DMD: variants seen among roughly 807,000 people sequenced by gnomAD.
DMD encodes the protein mutant dystrophin.
DMD carries 63 observed loss-of-function variants against 330.1 expected under a neutral mutation model. The ratio of observed to expected loss-of-function variants is 0.19; its 90% CI spans 0.16 to 0.24. The LOEUF (loss-of-function observed/expected upper bound fraction) is 0.24. Ranked by LOEUF, DMD falls within the 10% of genes least tolerant of loss-of-function variation. The pLI is 1.00. For synonymous variants in DMD, 1,223 were observed against 959.8 expected (o/e 1.27, Z -5.07); for missense variants, 3,344 against 2,684.1 (o/e 1.25, Z -5.43).
At chrX:32,696,125 T>G (rs1394628890) in intron 9 of DMD, among the ~76,000 whole-genome samples, 1 of 112,195 alleles carries the variant, frequency 8.9e-6, no homozygotes, top group Non-Finnish European at 1.9e-5. Context: ...GTTATTTTTC[T>G]CTGTAGACCA....
chrX:32,824,392 A>C (rs1397671317), intron 4 of DMD, among the ~76,000 whole-genome samples: 1 of 112,206 alleles, frequency 8.9e-6, no homozygotes, highest in Non-Finnish European at 1.9e-5. Flanking sequence ...TAGTACAGCC[A>C]CACCATGGAA....
intron 1 of DMD, among the ~76,000 whole-genome samples, chrX:33,142,866 A>T (rs893872155): frequency 8.9e-6 from 1 of 112,034 alleles, no homozygotes; most frequent in Non-Finnish European, 1.9e-5. Context: ...TATGTTTGTC[A>T]ACTCACAAAT....
chrX:33,237,504 C>A (rs1047546157), intron 1 of DMD, among the ~76,000 whole-genome samples: 3 of 111,024 alleles, frequency 2.7e-5, no homozygotes, highest in African/African-American at 9.8e-5. Flanking sequence ...CTTGGCTTCC[C>A]AAAATGCTGG....
intron 11 of DMD, among the ~76,000 whole-genome samples, chrX:32,620,675 C>G (rs1462747869): frequency 8.9e-6 from 1 of 112,063 alleles, no homozygotes; most frequent in African/African-American, 3.2e-5. Context: ...TTTCCTTCAA[C>G]AAATCTTTAC....
chrX:31,564,638 A>C (rs1485592603), intron 55 of DMD, among the ~76,000 whole-genome samples: 1 of 112,313 alleles, frequency 8.9e-6, no homozygotes, highest in African/African-American at 3.2e-5. Flanking sequence ...CAATCAAATA[A>C]GACCCCCTAA....
chrX:32,351,235 C>T (rs1459462495), intron 37 of DMD, among the ~76,000 whole-genome samples: 28 of 110,667 alleles, frequency 2.5e-4, no homozygotes, highest in Non-Finnish European at 1.9e-5. Flanking sequence ...CCTAATCATC[C>T]ATTGGCTCAG....
intron 15 of DMD, among the ~76,000 whole-genome samples, chrX:32,569,406 T>A (rs892460847): frequency 2.7e-5 from 3 of 111,817 alleles, no homozygotes; most frequent in Non-Finnish European, 5.6e-5. Context: ...CCAGTTGTAC[T>A]TTGGGAGGTT....
chrX:31,491,206 C>A (rs1425047521), intron 57 of DMD, among the ~76,000 whole-genome samples: 2 of 112,019 alleles, frequency 1.8e-5, no homozygotes, highest in African/African-American at 6.5e-5. Flanking sequence ...ACTGTTGTTA[C>A]AATCAAGATC....
At chrX:32,906,291 G>A (rs2086721105) in intron 2 of DMD, among the ~76,000 whole-genome samples, 1 of 111,481 alleles carries the variant, frequency 9.0e-6, no homozygotes, top group African/African-American at 3.3e-5. Flanking sequence ...TGCTCCCACC[G>A]TCTGAGTCAC....
chrX:33,311,134 C>T (rs1305051585), intron 1 of DMD, among the ~76,000 whole-genome samples: 1 of 109,840 alleles, frequency 9.1e-6, no homozygotes, highest in Non-Finnish European at 1.9e-5. Context: ...TATATACATA[C>T]ATACTTCATA....
At chrX:32,598,654 C>T (rs370117914) in intron 12 of DMD, among the ~76,000 whole-genome samples, 41 of 112,058 alleles carry the variant, frequency 3.7e-4, no homozygotes, top group African/African-American at 1.2e-3. Context: ...ATGAATCCAA[C>T]TCTTATTGAG....
chrX:33,055,030 T>C lies in DMD; in HGVS notation c.32-34830A>G, dbSNP rs139895290. Among the ~76,000 whole-genome samples the C allele has an allele frequency of 5.3e-3, 587 of 111,718 alleles. 6 individuals carry two copies. Among genetic ancestry groups the C allele is most frequent in the African/African-American group, 0.018 (549 of 30,773 alleles). ...AAATCTGAGGGTCATGGTTAAGAGT[T>C]GTTATTGCTATGGATTTTGATGAGA... is the stretch of plus-strand genomic sequence containing the variant. On this transcript the variant is annotated intron_variant, in intron 1 of 78. Coordinates refer to ENST00000357033, the MANE Select transcript of DMD (RefSeq NM_004006.3).
intron 55 of DMD, among the ~76,000 whole-genome samples, chrX:31,584,736 C>G (rs1406510898): frequency 9.0e-6 from 1 of 111,199 alleles, no homozygotes; most frequent in African/African-American, 3.3e-5. Context: ...ACACTAGGTA[C>G]AGGTGGAGGG....
chrX:32,449,611 C>G (rs1296761647), intron 26 of DMD, among the ~76,000 whole-genome samples: 1 of 107,568 alleles, frequency 9.3e-6, no homozygotes, highest in Non-Finnish European at 1.9e-5. Context: ...CCACACGCAC[C>G]CCCTGGCCTC....
intron 55 of DMD, among the ~76,000 whole-genome samples, chrX:31,570,673 T>C (rs867389803): frequency 4.1e-5 from 3 of 73,526 alleles, no homozygotes; most frequent in South Asian, 9.0e-4. Flanking sequence ...CAGTATAACT[T>C]AATAGGATTG....
chrX:32,460,778 G>C (rs1207770045), intron 25 of DMD, among the ~76,000 whole-genome samples: 1 of 111,627 alleles, frequency 9.0e-6, no homozygotes, highest in Non-Finnish European at 1.9e-5. Flanking sequence ...ATAGAAAGTA[G>C]TTTTCCTGCT....
chrX:31,581,874 C>T (rs752580500), intron 55 of DMD, among the ~76,000 whole-genome samples: 52 of 111,617 alleles, frequency 4.7e-4, no homozygotes, highest in Non-Finnish European at 8.9e-4. Context: ...AAATTTCTTT[C>T]GACTTTGCTG....
chrX:32,187,436 C>A (rs756349596), intron 44 of DMD, among the ~76,000 whole-genome samples: 1 of 111,379 alleles, frequency 9.0e-6, no homozygotes, highest in Non-Finnish European at 1.9e-5. Context: ...ATATCCCTGT[C>A]CCCCCAGAAA....
At chrX:31,410,342 C>T (rs1307887377) in intron 60 of DMD, among the ~76,000 whole-genome samples, 2 of 111,741 alleles carry the variant, frequency 1.8e-5, no homozygotes, top group African/African-American at 6.5e-5. Flanking sequence ...ACAGAGTTTG[C>T]TGCATCGTGC....
Sources: allele counts gnomAD v4.1 joint callset (sites outside exome capture counted in the v4.1 genomes callset), GRCh38; gene constraint gnomAD v4.1.1; transcripts MANE v1.5; gene names NCBI Gene and HGNC (gene_info 2026-07-23, HGNC 2026-07-21).